PFKFB3: variants seen among roughly 807,000 people sequenced by gnomAD.
PFKFB3 encodes 6-phosphofructo-2-kinase/fructose-2,6-bisphosphatase 3.
Under a neutral mutation model 68.0 loss-of-function variants are expected in PFKFB3, and 33 were observed. The observed-to-expected ratio is 0.49, with a 90% CI of 0.37 to 0.65. PFKFB3 has a LOEUF of 0.65. Ranked by LOEUF, PFKFB3 falls within the 30% of genes least tolerant of loss-of-function variation. The probability of loss-of-function intolerance (pLI) is 0.00; values close to 1 mark genes in which losing one functional copy is unlikely to be tolerated. For missense variants in PFKFB3, 586 were observed against 712.2 expected, an observed-to-expected ratio of 0.82 and a Z score of 2.02; for synonymous variants, 315 against 288.2, an observed-to-expected ratio of 1.09 and a Z score of -0.94.
the PFKFB3 span, among the ~76,000 whole-genome samples, chr10:6,322,453 G>A: frequency 6.6e-6 from 1 of 152,124 alleles, no homozygotes; most frequent in Non-Finnish European, 1.5e-5. Flanking sequence ...GACCACTGTA[G>A]TCCACACTTC....
chr10:6,148,280 G>T (rs547047686), intron 1 of PFKFB3, among the ~76,000 whole-genome samples: 2 of 152,252 alleles, frequency 1.3e-5, no homozygotes, highest in African/African-American at 4.8e-5. Flanking sequence ...CTGTCACACA[G>T]GCTGTGGTTA....
chr10:6,300,895 G>T, the PFKFB3 span, among the ~76,000 whole-genome samples: 5 of 152,176 alleles, frequency 3.3e-5, no homozygotes, highest in Non-Finnish European at 5.9e-5. Context: ...AATTACGCAG[G>T]ATTTGAAAGG....
upstream of PFKFB3, chr10:6,202,819 C>T: frequency 2.1e-6 from 2 of 942,112 alleles, no homozygotes; most frequent in Non-Finnish European, 2.6e-6. Flanking sequence ...GCCCACCCTC[C>T]TCCCCACGTG....
chr10:6,199,637 A>T (rs1588458846), upstream of PFKFB3, among the ~76,000 whole-genome samples: 1 of 139,470 alleles, frequency 7.2e-6, no homozygotes, highest in Non-Finnish European at 1.5e-5. Context: ...GGTGCGAGCC[A>T]CCATGCCCAG....
At chr10:6,292,166 C>G in the PFKFB3 span, among the ~76,000 whole-genome samples, 1 of 149,648 alleles carries the variant, frequency 6.7e-6, no homozygotes, top group Non-Finnish European at 1.5e-5. Context: ...GTTGGCCAGG[C>G]TGGTCTCGAA....
intron 1 of PFKFB3, among the ~76,000 whole-genome samples, chr10:6,159,632 C>T (rs141399169): frequency 0.011 from 1,582 of 148,786 alleles, 65 homozygotes; most frequent in East Asian, 0.099. Context: ...GAGGAGGTTG[C>T]GGTGAGCCGA....
chr10:6,306,577 A>T, the PFKFB3 span, among the ~76,000 whole-genome samples: 1 of 152,250 alleles, frequency 6.6e-6, no homozygotes, highest in African/African-American at 2.4e-5. Flanking sequence ...TACATATTAG[A>T]TATTAAAAAA....
chr10:6,212,235 G>A (rs1174952066), intron 1 of PFKFB3, among the ~76,000 whole-genome samples: 3 of 152,246 alleles, frequency 2.0e-5, no homozygotes, highest in Non-Finnish European at 4.4e-5. Context: ...CTTGCATGTC[G>A]GCAGGATGCG....
chr10:6,198,291 C>T (rs1843229923), upstream of PFKFB3, among the ~76,000 whole-genome samples: 1 of 151,698 alleles, frequency 6.6e-6, no homozygotes, highest in Non-Finnish European at 1.5e-5. Context: ...AAGGAAATGC[C>T]CACAGGAGAT....
chr10:6,194,899 G>A (rs1843135386), intron 1 of PFKFB3, among the ~76,000 whole-genome samples: 1 of 149,338 alleles, frequency 6.7e-6, no homozygotes, highest in South Asian at 2.1e-4. Flanking sequence ...TTGAGACTGA[G>A]TCTTGCTCTA....
intron 14 of PFKFB3, among the ~76,000 whole-genome samples, chr10:6,253,710 G>C (rs749994736): frequency 2.0e-5 from 3 of 152,094 alleles, no homozygotes; most frequent in African/African-American, 4.8e-5. Flanking sequence ...AGGGCAGTTT[G>C]GACTTCACCT....
intron 13 of PFKFB3, 84 bp downstream of exon 13, chr10:6,224,297 C>T (rs985472109): frequency 3.2e-5 from 45 of 1,385,886 alleles, no homozygotes; most frequent in Admixed American, 5.2e-5. Flanking sequence ...GCCCCGGGGC[C>T]GCTTGCCTGC....
the PFKFB3 span, among the ~76,000 whole-genome samples, chr10:6,289,944 G>T: frequency 8.6e-4 from 131 of 152,004 alleles, no homozygotes; most frequent in Admixed American, 2.0e-4. Flanking sequence ...GGATTCCTAG[G>T]TATTTTATTC....
intron 1 of PFKFB3, among the ~76,000 whole-genome samples, chr10:6,175,382 A>T (rs1588422013): frequency 6.6e-6 from 1 of 152,298 alleles, no homozygotes; most frequent in South Asian, 2.1e-4. Context: ...GGTGGGGAGC[A>T]CTTGGATTTG....
At chr10:6,269,785 A>C in the PFKFB3 span, among the ~76,000 whole-genome samples, 1 of 152,154 alleles carries the variant, frequency 6.6e-6, no homozygotes, top group Non-Finnish European at 1.5e-5. Context: ...AGAATGCATA[A>C]ATGAAGAGGG....
the PFKFB3 span, among the ~76,000 whole-genome samples, chr10:6,269,584 T>C: frequency 6.6e-6 from 1 of 152,300 alleles, no homozygotes; most frequent in South Asian, 2.1e-4. Context: ...GGCTTTGCCA[T>C]AGGTAAGACG....
the PFKFB3 span, among the ~76,000 whole-genome samples, chr10:6,271,398 G>A: frequency 1.3e-5 from 2 of 152,210 alleles, no homozygotes; most frequent in Admixed American, 1.3e-4. Context: ...GGGGGTGTGG[G>A]AGCCAAGAGG....
chr10:6,184,928 CA>C (rs1842830189), intron 1 of PFKFB3, among the ~76,000 whole-genome samples: 1 of 152,060 alleles, frequency 6.6e-6, no homozygotes. Flanking sequence ...TCTTACGTGC[CA>C]CAGGTATTGA....
rs997804562 is a variant in PFKFB3 at position 6,228,478 on chromosome 10, C to T, written c.1515+2113C>T. 4.6e-5 allele frequency among the ~76,000 whole-genome samples: 7 copies of T among 152,076 alleles called. No homozygotes were observed. The highest frequency in any genetic ancestry group is 3.3e-4 in the Admixed American group (5 of 15,262). ...GCACGACCGCTGGCTTCTCCCCTACCCTCTCAGGGCTGCAGGTCGTGGTGT... is the reference window on the plus strand; with the variant it reads ...GCACGACCGCTGGCTTCTCCCCTACTCTCTCAGGGCTGCAGGTCGTGGTGT... On this transcript the variant is annotated intron_variant, in intron 14 of 14. Coordinates refer to ENST00000379775, the MANE Select transcript of PFKFB3 (RefSeq NM_004566.4). This position sits in a 1 kb window ranked among gnomAD's most constrained non-coding sequence, Gnocchi z 4.5.
Sources: gnomAD v4.1 joint callset for allele counts (sites outside exome capture counted in the v4.1 genomes callset) on GRCh38, gnomAD v4.1.1 for gene constraint, Gnocchi (gnomAD v3.1) non-coding constraint, MANE v1.5 for transcripts, NCBI Gene and HGNC (gene_info 2026-07-23, HGNC 2026-07-21) for gene names.